PRKN: variants seen among roughly 807,000 people sequenced by gnomAD.
PRKN encodes parkin RBR E3 ubiquitin protein ligase, also known as E3 ubiquitin-protein ligase parkin.
A neutral mutation model predicts 59.5 loss-of-function variants in PRKN; 56 were observed. That is an observed-to-expected ratio of 0.94 (90% confidence interval 0.76 to 1.18). The LOEUF is 1.18. Ranked by LOEUF, PRKN falls within the 50% of genes most tolerant of loss-of-function variation. The probability of loss-of-function intolerance (pLI) is 0.00; values close to 1 mark genes in which losing one functional copy is unlikely to be tolerated. For synonymous variants in PRKN, 250 were observed against 222.1 expected, an observed-to-expected ratio of 1.13 and a Z score of -1.12; for missense variants, 657 against 596.4, an observed-to-expected ratio of 1.10 and a Z score of -1.06.
chr6:161,803,559 C>A (rs893544726), intron 6 of PRKN, among the ~76,000 whole-genome samples: 1 of 152,212 alleles, frequency 6.6e-6, no homozygotes, highest in African/African-American at 2.4e-5. Context: ...CATTCACTGC[C>A]CGAAGCAGGG....
At chr6:161,718,404 C>G (rs1787079134) in intron 7 of PRKN, among the ~76,000 whole-genome samples, 1 of 152,130 alleles carries the variant, frequency 6.6e-6, no homozygotes, top group Non-Finnish European at 1.5e-5. Flanking sequence ...GACATGGGTG[C>G]TACTTCTTTA....
At chr6:162,301,132 G>A (rs1781930415) in intron 2 of PRKN, among the ~76,000 whole-genome samples, 1 of 151,966 alleles carries the variant, frequency 6.6e-6, no homozygotes. Context: ...CCACAGAAAT[G>A]CAAAAACTTT....
chr6:161,360,278 CG>C lies in PRKN; in HGVS notation c.1168-74del. ...GGGATCAGAGTTTATGTTCCCTGTA[CG>C]TCGGTACAGGAAATTCTTGAAGACA... On this transcript the variant is annotated intron_variant, in intron 10 of 11. Transcript: ENST00000366898. This position sits in a 1 kb window ranked among gnomAD's most constrained non-coding sequence, Gnocchi z 5.1. The C allele has an allele frequency of 1.7e-6, 2 of 1,204,902 alleles. No individual in the cohort carries two copies. The highest frequency in any genetic ancestry group is 2.5e-6 in the Non-Finnish European group (2 of 806,520). 74.6% of individuals were successfully genotyped at this position (1,204,902 alleles called of 1,614,324 possible).
intron 7 of PRKN, among the ~76,000 whole-genome samples, chr6:161,737,820 T>C (rs934917508): frequency 1.3e-5 from 2 of 152,182 alleles, no homozygotes; most frequent in African/African-American, 4.8e-5. Context: ...AGGATGCGAT[T>C]TCTGGCTAGT....
chr6:162,046,827 G>A (rs1471643010), intron 5 of PRKN, among the ~76,000 whole-genome samples: 6 of 151,494 alleles, frequency 4.0e-5, no homozygotes, highest in East Asian at 1.9e-4. Context: ...ATATACAAAC[G>A]AAATTTTGAT....
At chr6:161,957,353 G>A (rs1157732512) in intron 6 of PRKN, among the ~76,000 whole-genome samples, 3 of 151,924 alleles carry the variant, frequency 2.0e-5, no homozygotes, top group Non-Finnish European at 4.4e-5. Context: ...TATATGGCAA[G>A]CAATCAACTG....
intron 2 of PRKN, among the ~76,000 whole-genome samples, chr6:162,291,077 A>G (rs985259564): frequency 5.9e-5 from 9 of 152,194 alleles, no homozygotes; most frequent in African/African-American, 1.4e-4. Flanking sequence ...AATCAGGAAA[A>G]CAGCCAAGCA....
At position 161,352,632 on chromosome 6, in the gene PRKN, A is replaced by C. The variant is rs554348001; in HGVS notation, c.1286-2421T>G. On this transcript the variant is annotated intron_variant, in intron 11 of 11. Transcript: ENST00000366898. This position sits in a 1 kb window ranked among gnomAD's most constrained non-coding sequence, Gnocchi z 5.8. Reference sequence around the variant, plus strand: ...TTGAGCAATACATTAAAACTTAATGAACTATTAAAGCAATTCTAAATGAAA... The same window carrying C: ...TTGAGCAATACATTAAAACTTAATGCACTATTAAAGCAATTCTAAATGAAA... Among the ~76,000 whole-genome samples, 1 of 151,356 alleles carries C rather than the reference A, an allele frequency of 6.6e-6. No individual in the cohort carries two copies. Among genetic ancestry groups the C allele is most frequent in the African/African-American group, 2.4e-5 (1 of 41,358 alleles).
chr6:161,569,564 C>A (rs751065962), intron 7 of PRKN, 148 bp from the exon 8 acceptor site: 3 of 707,834 alleles, frequency 4.2e-6, no homozygotes, highest in Admixed American at 4.3e-5. Context: ...TAACCAACCA[C>A]AAAAAAAGCC....
intron 2 of PRKN, among the ~76,000 whole-genome samples, chr6:162,364,687 A>G (rs1562703795): frequency 6.6e-6 from 1 of 152,100 alleles, no homozygotes; most frequent in Non-Finnish European, 1.5e-5. Context: ...GGGCCCTCTC[A>G]TGTGTTCTGA....
At position 161,400,511 on chromosome 6, in the gene PRKN, G is replaced by A. The variant is rs550079911; in HGVS notation, c.1084-13634C>T. Among the ~76,000 whole-genome samples, 19 of 151,946 alleles carry A rather than the reference G, an allele frequency of 1.3e-4. No homozygotes were observed. In the East Asian group the frequency reaches 3.5e-3, roughly 28 times the overall value. ...TTAGTAGAGACGGGGTTTCGCTTTCGCCATATTGGCCAGGCTGGTCTCAAA... is the reference window on the plus strand; with the variant it reads ...TTAGTAGAGACGGGGTTTCGCTTTCACCATATTGGCCAGGCTGGTCTCAAA... On this transcript the variant is annotated intron_variant, in intron 9 of 11. Coordinates refer to ENST00000366898, the MANE Select transcript of PRKN (RefSeq NM_004562.3). This position sits in a 1 kb window ranked among gnomAD's most constrained non-coding sequence, Gnocchi z 4.2.
intron 4 of PRKN, among the ~76,000 whole-genome samples, chr6:162,092,574 A>G (rs151250939): frequency 6.6e-6 from 1 of 152,336 alleles, no homozygotes; most frequent in East Asian, 1.9e-4. Flanking sequence ...ATAAATATAC[A>G]TATGTGGGTC....
At chr6:161,437,553 C>G (rs112883203) in intron 9 of PRKN, among the ~76,000 whole-genome samples, 1 of 152,164 alleles carries the variant, frequency 6.6e-6, no homozygotes, top group African/African-American at 2.4e-5. Flanking sequence ...GTGGATGCCA[C>G]AAGGCAGGGG....
Position 161,498,426 on chromosome 6 carries a change from G to A in PRKN, c.1083+50428C>T, listed in dbSNP as rs988929480. ...TCCTCCCAACACACCACATGACCCC[G>A]CCGTGCCAGCCATTCACACTGCTCA... On this transcript the variant is annotated intron_variant, in intron 9 of 11. Coordinates refer to ENST00000366898, the MANE Select transcript of PRKN (RefSeq NM_004562.3). The surrounding 1 kb of genome is among the most constrained non-coding windows in gnomAD (Gnocchi z 4.2). 1.3e-5 allele frequency among the ~76,000 whole-genome samples: 2 copies of A among 152,084 alleles called. No individual in the cohort carries two copies. Among genetic ancestry groups the A allele is most frequent in the Non-Finnish European group, 2.9e-5 (2 of 68,028 alleles).
chr6:161,678,227 T>C (rs1368583882), intron 7 of PRKN, among the ~76,000 whole-genome samples: 1 of 131,734 alleles, frequency 7.6e-6, no homozygotes, highest in Non-Finnish European at 1.6e-5. Context: ...TTTTTTTTTT[T>C]TTTTTTTTTT....
At chr6:162,167,385 T>C (rs1479929280) in intron 4 of PRKN, among the ~76,000 whole-genome samples, 1 of 152,172 alleles carries the variant, frequency 6.6e-6, no homozygotes, top group Non-Finnish European at 1.5e-5. Context: ...CTTGATCTCT[T>C]AAGCAAAATG....
At chr6:162,200,289 G>A (rs900907955) in intron 4 of PRKN, among the ~76,000 whole-genome samples, 1 of 152,054 alleles carries the variant, frequency 6.6e-6, no homozygotes, top group Non-Finnish European at 1.5e-5. Context: ...TGGAGCCACC[G>A]AGCCGGAACC....
intron 6 of PRKN, among the ~76,000 whole-genome samples, chr6:161,790,310 A>T (rs1050097631): frequency 1.3e-5 from 2 of 152,192 alleles, no homozygotes; most frequent in Admixed American, 6.5e-5. Context: ...GTATCAGGAA[A>T]ATGGTGGGGG....
At chr6:161,422,397 C>T (rs1159885225) in intron 9 of PRKN, among the ~76,000 whole-genome samples, 3 of 151,990 alleles carry the variant, frequency 2.0e-5, no homozygotes, top group South Asian at 2.1e-4. Flanking sequence ...TGGGGTTTCA[C>T]CATGTTAGTC....
Sources: gnomAD v4.1 joint callset for allele counts (sites outside exome capture counted in the v4.1 genomes callset) on GRCh38, gnomAD v4.1.1 for gene constraint, Gnocchi (gnomAD v3.1) non-coding constraint, MANE v1.5 for transcripts, NCBI Gene and HGNC (gene_info 2026-07-23, HGNC 2026-07-21) for gene names.